Variants in ASPH observed in about 807,000 individuals in gnomAD.
ASPH encodes the protein aspartyl/asparaginyl beta-hydroxylase.
Under a neutral mutation model 118.4 loss-of-function variants are expected in ASPH, and 100 were observed. The ratio of observed to expected loss-of-function variants is 0.84; its 90% CI spans 0.72 to 1.00. ASPH has a LOEUF of 1.00. Among genes scored for constraint, ASPH ranks in the 50% least tolerant of loss-of-function variants. The pLI is 0.00. For synonymous variants in ASPH, 315 were observed against 325.6 expected, an observed-to-expected ratio of 0.97 and a Z score of 0.35; for missense variants, 920 against 919.5, an observed-to-expected ratio of 1.00 and a Z score of -0.01.
intron 20 of ASPH, among the ~76,000 whole-genome samples, chr8:61,548,529 T>C (rs1024064888): frequency 6.6e-6 from 1 of 152,232 alleles, no homozygotes; most frequent in Non-Finnish European, 1.5e-5. Context: ...ATTTTTTGAA[T>C]GAATAAATAA....
At chr8:61,707,712 A>G (rs2151911697) in intron 1 of ASPH, among the ~76,000 whole-genome samples, 1 of 152,342 alleles carries the variant, frequency 6.6e-6, no homozygotes, top group Non-Finnish European at 1.5e-5. Flanking sequence ...ATGAAAAGCA[A>G]GGCATATTCA....
At chr8:61,656,970 T>A (rs964880212) in intron 3 of ASPH, 3 of 152,204 alleles carry the variant, frequency 2.0e-5, no homozygotes, top group Admixed American at 1.3e-4. Context: ...TCAACAAATA[T>A]TTAGCACCTA....
At chr8:61,657,759 T>G (rs1814520295) in intron 3 of ASPH, 1 of 152,202 alleles carries the variant, frequency 6.6e-6, no homozygotes. Context: ...AAGGATTTAC[T>G]TCTCCTAAGA....
At chr8:61,589,336 G>A (rs2132851213) in intron 14 of ASPH, among the ~76,000 whole-genome samples, 1 of 152,272 alleles carries the variant, frequency 6.6e-6, no homozygotes, top group Admixed American at 6.5e-5. Flanking sequence ...CTGTGTAGGT[G>A]TAATAGTATG....
intron 24 of ASPH, among the ~76,000 whole-genome samples, chr8:61,508,039 A>G (rs1255028809): frequency 6.6e-6 from 1 of 151,876 alleles, no homozygotes; most frequent in Admixed American, 6.6e-5. Flanking sequence ...TTTTCAAGAC[A>G]GGATTTGCTC....
intron 15 of ASPH, chr8:61,583,054 A>G (rs570658795): frequency 1.3e-5 from 2 of 152,198 alleles, no homozygotes; most frequent in African/African-American, 4.8e-5. Context: ...AATGCAAGTA[A>G]TATTTCAAAT....
intron 18 of ASPH, among the ~76,000 whole-genome samples, chr8:61,561,159 C>A (rs1020025492): frequency 1.4e-5 from 2 of 140,302 alleles, no homozygotes; most frequent in African/African-American, 2.8e-5. Flanking sequence ...AGGAATTCTA[C>A]AAGTTCCATT....
chr8:61,568,091 G>A lies in ASPH; in HGVS notation c.1150-773C>T, dbSNP rs191189815. ...AATGGAGGCCATGAGGTAAAGTAGG[G>A]CCTGGCAAGATATTGACAATTCTAG... On this transcript the variant is annotated intron_variant, in intron 16 of 24. Transcript: ENST00000379454. Among the ~76,000 whole-genome samples, 5 of 152,274 alleles carry A rather than the reference G, an allele frequency of 3.3e-5. No individual in the cohort carries two copies. In the East Asian group the frequency reaches 9.6e-4, roughly 29 times the overall value.
chr8:61,636,082 C>T (rs1418757582), intron 12 of ASPH, among the ~76,000 whole-genome samples: 1 of 152,140 alleles, frequency 6.6e-6, no homozygotes, highest in Non-Finnish European at 1.5e-5. Flanking sequence ...CTATTATCTG[C>T]AACTGAAAGT....
intron 24 of ASPH, among the ~76,000 whole-genome samples, chr8:61,515,859 T>C (rs1810709033): frequency 6.6e-6 from 1 of 152,134 alleles, no homozygotes; most frequent in Non-Finnish European, 1.5e-5. Flanking sequence ...TAGTCTCCAT[T>C]TCTTTCCAGC....
chr8:61,713,572 T>C (rs1048068325), intron 1 of ASPH, among the ~76,000 whole-genome samples: 5 of 152,166 alleles, frequency 3.3e-5, no homozygotes, highest in Non-Finnish European at 7.3e-5. Flanking sequence ...ACGAAACAGA[T>C]TTAAAAATCT....
intron 21 of ASPH, among the ~76,000 whole-genome samples, chr8:61,530,362 A>T (rs2129630781): frequency 6.6e-6 from 1 of 152,356 alleles, no homozygotes; most frequent in East Asian, 1.9e-4. Context: ...ACATGGCTTC[A>T]TAAAGCCATC....
chr8:61,552,000 A>C (rs1428853843), intron 20 of ASPH, among the ~76,000 whole-genome samples: 3 of 152,242 alleles, frequency 2.0e-5, no homozygotes, highest in Admixed American at 2.0e-4. Flanking sequence ...AGATTGGTTC[A>C]TGTTCCTAGC....
intron 1 of ASPH, among the ~76,000 whole-genome samples, chr8:61,700,057 C>T (rs991527918): frequency 4.6e-5 from 7 of 152,340 alleles, no homozygotes; most frequent in Middle Eastern, 3.4e-3. Context: ...AAAGGGCTGA[C>T]TGACACACAA....
At chr8:61,647,891 T>A (rs1808852433) in intron 5 of ASPH, among the ~76,000 whole-genome samples, 1 of 152,234 alleles carries the variant, frequency 6.6e-6, no homozygotes, top group South Asian at 2.1e-4. Flanking sequence ...ATGATTCCAC[T>A]GCAACATGGT....
intron 10 of ASPH, 106 bp from the exon 11 acceptor site, chr8:61,638,469 G>C: frequency 2.1e-6 from 2 of 969,766 alleles, no homozygotes; most frequent in South Asian, 3.0e-5. Context: ...CTTTGAACCT[G>C]CAAGGTTCAG....
intron 13 of ASPH, chr8:61,624,124 G>A (rs1234060064): frequency 1.4e-6 from 1 of 696,640 alleles, no homozygotes; most frequent in Non-Finnish European, 1.8e-6. Context: ...GCAAAACAGA[G>A]TTACTATAGC....
intron 24 of ASPH, among the ~76,000 whole-genome samples, chr8:61,505,061 G>C (rs1442925586): frequency 6.6e-6 from 1 of 152,036 alleles, no homozygotes; most frequent in Non-Finnish European, 1.5e-5. Context: ...GGAAGGACCC[G>C]ATGAGAGATA....
chr8:61,557,608 T>C (rs1828352773), intron 18 of ASPH, among the ~76,000 whole-genome samples: 1 of 152,208 alleles, frequency 6.6e-6, no homozygotes, highest in African/African-American at 2.4e-5. Flanking sequence ...TCTGACCTAG[T>C]ATACTTTTAT....
Sources: gnomAD v4.1 joint callset for allele counts (sites outside exome capture counted in the v4.1 genomes callset) on GRCh38, gnomAD v4.1.1 for gene constraint, MANE v1.5 for transcripts, NCBI Gene and HGNC (gene_info 2026-07-23, HGNC 2026-07-21) for gene names.